RAB7A: variants seen among roughly 807,000 people sequenced by gnomAD.
RAB7A encodes the protein RAB7A, member RAS oncogene family.
Under a neutral mutation model 24.5 loss-of-function variants are expected in RAB7A, and 2 were observed. The observed-to-expected ratio is 0.08, with a 90% CI of 0.03 to 0.26. RAB7A has a LOEUF of 0.26. Ranked by LOEUF, RAB7A falls within the 10% of genes least tolerant of loss-of-function variation. RAB7A has a pLI of 1.00. For missense variants in RAB7A, 118 were observed against 255.7 expected (o/e 0.46, Z 3.67); for synonymous variants, 100 against 95.9 (o/e 1.04, Z -0.25).
In RAB7A at chr3:128,813,611, A is replaced by ACACGCACACG; in HGVS notation, c.*192_*193insGCACACGCAC. ...CACACACACACACACACGCACACACACACACACAGATCTGACGTAATCAAA... is the reference window on the plus strand; with the variant it reads ...CACACACACACACACACGCACACACACACGCACACGCACACACAGATCTGACGTAATCAAA... On this transcript the variant is annotated 3_prime_UTR_variant, in exon 6 of 6. Coordinates refer to ENST00000265062, the MANE Select transcript of RAB7A (RefSeq NM_004637.6). The ACACGCACACG allele has an allele frequency of 1.6e-6, 1 of 611,194 alleles. No homozygotes were observed. Among genetic ancestry groups the ACACGCACACG allele is most frequent in the Non-Finnish European group, 3.0e-6 (1 of 328,276 alleles). The allele number at this position is 611,194 out of a possible 1,614,324, so 37.9% of individuals were successfully genotyped here. A position where few individuals can be genotyped will look rare whatever the true frequency, so the allele number is the denominator to read the frequency against.
chr3:128,755,612 A>T (rs183705046), intron 1 of RAB7A, among the ~76,000 whole-genome samples: 10 of 152,336 alleles, frequency 6.6e-5, no homozygotes, highest in Admixed American at 6.5e-4. Context: ...TGAGAATCTC[A>T]AATTCATAAC....
At chr3:128,732,050 TC>T (rs2070443837) in intron 1 of RAB7A, among the ~76,000 whole-genome samples, 1 of 148,664 alleles carries the variant, frequency 6.7e-6, no homozygotes, top group Non-Finnish European at 1.5e-5. Flanking sequence ...TTTTTTTTTT[TC>T]TCTCTCTGAG....
At chr3:128,727,209 A>C (rs955929006) in intron 1 of RAB7A, among the ~76,000 whole-genome samples, 1 of 152,244 alleles carries the variant, frequency 6.6e-6, no homozygotes, top group Non-Finnish European at 1.5e-5. Flanking sequence ...TTCTTTGAAC[A>C]ACCCTCTGAA....
At chr3:128,777,916 G>C (rs1048851495) in intron 1 of RAB7A, among the ~76,000 whole-genome samples, 1 of 152,128 alleles carries the variant, frequency 6.6e-6, no homozygotes, top group Non-Finnish European at 1.5e-5. Flanking sequence ...GTTTCACCAT[G>C]CTGGCCAGGC....
chr3:128,779,606 G>T (rs534867106), intron 1 of RAB7A, among the ~76,000 whole-genome samples: 105 of 152,076 alleles, frequency 6.9e-4, no homozygotes, highest in Non-Finnish European at 1.3e-3. Flanking sequence ...GGGGGGTGGT[G>T]TTGGAGACAG....
chr3:128,788,107 C>T (rs1933378965), intron 1 of RAB7A, among the ~76,000 whole-genome samples: 1 of 152,206 alleles, frequency 6.6e-6, no homozygotes, highest in Non-Finnish European at 1.5e-5. Context: ...AGGGTTTCTA[C>T]ACCATAGATG....
At chr3:128,754,118 T>C (rs1193862838) in intron 1 of RAB7A, among the ~76,000 whole-genome samples, 4 of 152,146 alleles carry the variant, frequency 2.6e-5, no homozygotes, top group African/African-American at 7.2e-5. Context: ...TATGAAGATA[T>C]AATCATGTCT....
At chr3:128,775,505 A>G (rs1198982062) in intron 1 of RAB7A, among the ~76,000 whole-genome samples, 1 of 152,148 alleles carries the variant, frequency 6.6e-6, no homozygotes, top group Non-Finnish European at 1.5e-5. Context: ...CTTGTATCCC[A>G]TGGATGGTGG....
intron 1 of RAB7A, among the ~76,000 whole-genome samples, chr3:128,767,415 G>GT (rs1296547409): frequency 9.9e-5 from 15 of 152,220 alleles, no homozygotes; most frequent in Admixed American, 9.2e-4. Context: ...TTGGCTTTCA[G>GT]TAGCTGCTCC....
intron 3 of RAB7A, among the ~76,000 whole-genome samples, chr3:128,802,478 A>ATATTT (rs1171905828): frequency 1.1e-4 from 17 of 152,218 alleles, no homozygotes; most frequent in East Asian, 9.7e-4. Flanking sequence ...TGTAGGGTAC[A>ATATTT]TATTTTATTT....
At chr3:128,756,190 C>T (rs1339518562) in intron 1 of RAB7A, among the ~76,000 whole-genome samples, 1 of 151,852 alleles carries the variant, frequency 6.6e-6, no homozygotes, top group Non-Finnish European at 1.5e-5. Flanking sequence ...ACAAAAATTA[C>T]CTGGGTGTGG....
intron 1 of RAB7A, chr3:128,764,981 A>G (rs1253011217): frequency 1.3e-6 from 2 of 1,595,762 alleles, no homozygotes. Context: ...TCCTGGTGGT[A>G]GTTCTGGCGC....
Position 128,796,781 on chromosome 3 carries a change from G to A in RAB7A, c.54-1162G>A, listed in dbSNP as rs551133836. ...GGTCTTAAGCCATCCTCCCACCTCAGCCTCCAGAGTAGCTGGGACCACCAG... is the reference window on the plus strand; with the variant it reads ...GGTCTTAAGCCATCCTCCCACCTCAACCTCCAGAGTAGCTGGGACCACCAG... On this transcript the variant is annotated intron_variant, in intron 2 of 5. Coordinates refer to ENST00000265062, the MANE Select transcript of RAB7A (RefSeq NM_004637.6). Among the ~76,000 whole-genome samples the A allele has an allele frequency of 2.1e-4, 32 of 152,160 alleles. No homozygotes were observed. In the South Asian group the frequency reaches 3.9e-3, roughly 19 times the overall value.
At chr3:128,796,313 G>A (rs1933573965) in intron 2 of RAB7A, among the ~76,000 whole-genome samples, 1 of 152,060 alleles carries the variant, frequency 6.6e-6, no homozygotes. Flanking sequence ...AAAAAATTTA[G>A]CCAGGTGCCG....
At chr3:128,746,427 C>T (rs35962268) in intron 1 of RAB7A, among the ~76,000 whole-genome samples, 15,064 of 152,246 alleles carry the variant, frequency 0.099, 796 homozygotes, top group South Asian at 0.16. Context: ...CCTACACTGT[C>T]ACACCTGTTT....
At chr3:128,738,830 G>GA (rs551262688) in intron 1 of RAB7A, among the ~76,000 whole-genome samples, 11 of 150,912 alleles carry the variant, frequency 7.3e-5, no homozygotes, top group African/African-American at 2.7e-4. Flanking sequence ...TACCTGGTTG[G>GA]AAAAAAAAAT....
At chr3:128,773,159 G>A (rs1289588508) in intron 1 of RAB7A, among the ~76,000 whole-genome samples, 2 of 151,876 alleles carry the variant, frequency 1.3e-5, no homozygotes, top group South Asian at 2.1e-4. Context: ...GTCTCTGCCC[G>A]GCTGCCCATT....
At chr3:128,805,669 T>G (rs953944881) in intron 3 of RAB7A, among the ~76,000 whole-genome samples, 4 of 152,208 alleles carry the variant, frequency 2.6e-5, no homozygotes, top group African/African-American at 9.6e-5. Context: ...CTCTTTTTTT[T>G]GAGACAGAGT....
chr3:128,810,792 G>T (rs558459984), intron 5 of RAB7A, among the ~76,000 whole-genome samples: 2 of 152,352 alleles, frequency 1.3e-5, no homozygotes, highest in East Asian at 1.9e-4. Flanking sequence ...GGTGGCTCAT[G>T]CCTGTAATCC....
Sources: gnomAD v4.1 joint callset for allele counts (sites outside exome capture counted in the v4.1 genomes callset) on GRCh38, gnomAD v4.1.1 for gene constraint, MANE v1.5 for transcripts, NCBI Gene and HGNC (gene_info 2026-07-23, HGNC 2026-07-21) for gene names.